Variants in MATN2 observed in about 807,000 individuals in gnomAD.
MATN2 encodes the protein matrilin 2, also known as matrilin-2.
MATN2 carries 69 observed loss-of-function variants against 103.2 expected under a neutral mutation model. That is an observed-to-expected ratio of 0.67 (90% confidence interval 0.55 to 0.82). The LOEUF (loss-of-function observed/expected upper bound fraction) is 0.82, where lower values mean the gene tolerates loss of function less well. Among genes scored for constraint, MATN2 ranks in the 40% least tolerant of loss-of-function variants. The pLI is 0.00. For missense variants in MATN2, 1,023 were observed against 1,211.5 expected (o/e 0.84, Z 2.31); for synonymous variants, 429 against 450.2 (o/e 0.95, Z 0.60).
intron 2 of MATN2, among the ~76,000 whole-genome samples, chr8:97,899,433 G>T (rs1256219462): frequency 6.6e-6 from 1 of 152,146 alleles, no homozygotes; most frequent in Non-Finnish European, 1.5e-5. Context: ...CAAAGTGGGT[G>T]GTTAAACAAC....
intron 4 of MATN2, among the ~76,000 whole-genome samples, chr8:97,958,179 T>C (rs1038734672): frequency 2.6e-5 from 4 of 152,228 alleles, no homozygotes; most frequent in African/African-American, 9.6e-5. Context: ...AAATTTGAAA[T>C]CAGACAATTA....
At chr8:97,890,508 C>T (rs1818592684) in intron 2 of MATN2, among the ~76,000 whole-genome samples, 1 of 149,262 alleles carries the variant, frequency 6.7e-6, no homozygotes, top group African/African-American at 2.5e-5. Flanking sequence ...AATCATGAAA[C>T]CAGAAAGCAA....
intron 2 of MATN2, among the ~76,000 whole-genome samples, chr8:97,918,521 T>A (rs1163268077): frequency 1.3e-5 from 2 of 152,236 alleles, no homozygotes; most frequent in African/African-American, 2.4e-5. Context: ...TTGGGCTTAC[T>A]GTCATCACGA....
At chr8:97,970,469 T>C (rs1481394745) in intron 5 of MATN2, among the ~76,000 whole-genome samples, 1 of 152,240 alleles carries the variant, frequency 6.6e-6, no homozygotes, top group Non-Finnish European at 1.5e-5. Context: ...CTTTCATAGC[T>C]ACTGCTATGA....
intron 1 of MATN2, among the ~76,000 whole-genome samples, chr8:97,886,920 G>C (rs896342816): frequency 3.3e-5 from 5 of 149,678 alleles, no homozygotes; most frequent in African/African-American, 1.2e-4. Context: ...TTTTTTTTGA[G>C]ATAGGGTCTC....
chr8:97,888,124 C>T lies in MATN2; in HGVS notation c.24C>T (p.Cys8=), dbSNP rs1156930231. The change falls in exon 2 of 19, where the codon TGC becomes TGT. Residue 8 remains cysteine (C), a synonymous_variant. Coordinates refer to ENST00000254898, the MANE Select transcript of MATN2 (RefSeq NM_002380.5). MEKMLAG[C]FLLILGQIVL... ...AAATGGAAAAGATGCTCGCAGGCTG[C>T]TTTCTGCTGATCCTCGGACAGATCG... 1 of 1,607,530 alleles carries T rather than the reference C, an allele frequency of 6.2e-7. No individual in the cohort carries two copies. The highest frequency in any genetic ancestry group is 1.3e-5 in the African/African-American group (1 of 74,512).
chr8:97,990,224 G>T, intron 6 of MATN2, among the ~76,000 whole-genome samples: 1 of 144,584 alleles, frequency 6.9e-6, no homozygotes, highest in Non-Finnish European at 1.5e-5. Context: ...CAATAAAAAT[G>T]GGAAAAATAT....
rs569076720 is a variant in MATN2 at position 97,927,326 on chromosome 8, A to ATT, written c.143-3615_143-3614dup. On this transcript the variant is annotated intron_variant, in intron 2 of 18. Coordinates refer to ENST00000254898, the MANE Select transcript of MATN2 (RefSeq NM_002380.5). ...ACCCAGCTAATTTTGTATTATTATTATTTTTTTTTTTTTAGTAGAGATGGG... is the reference window on the plus strand; with the variant it reads ...ACCCAGCTAATTTTGTATTATTATTATTTTTTTTTTTTTTTAGTAGAGATGGG... Among the ~76,000 whole-genome samples, 46 of 60,478 alleles carry ATT rather than the reference A, an allele frequency of 7.6e-4. No homozygotes were observed. The East Asian group carries it at 0.01, about 13-fold the overall frequency. 39.7% of individuals were successfully genotyped at this position (60,478 alleles called of 152,430 possible). A position where few individuals can be genotyped will look rare whatever the true frequency, so the allele number is the denominator to read the frequency against.
At position 97,875,475 on chromosome 8, in the gene MATN2, C is replaced by A. The variant is rs551710565; in HGVS notation, c.-27+6188C>A. The stretch of plus-strand genomic sequence containing the variant: ...AAGGTGCACAAATCATGAGGGAAAT[C>A]TCAATGGAGTTTTACAAGTGAGCAC... On this transcript the variant is annotated intron_variant, in intron 1 of 18. Coordinates refer to ENST00000254898, the MANE Select transcript of MATN2 (RefSeq NM_002380.5). Among the ~76,000 whole-genome samples, 102 of 152,190 alleles carry A rather than the reference C, an allele frequency of 6.7e-4. 1 individual carries two copies. The highest frequency in any genetic ancestry group is 2.5e-3 in the African/African-American group (102 of 41,532).
At chr8:98,031,949 C>A in intron 15 of MATN2, 1 of 214,196 alleles carries the variant, frequency 4.7e-6, no homozygotes, top group Non-Finnish European at 9.2e-6. Context: ...CAACTAAAAT[C>A]CCTCAACAAC....
At chr8:97,943,947 C>A (rs984938775) in intron 4 of MATN2, among the ~76,000 whole-genome samples, 5 of 152,230 alleles carry the variant, frequency 3.3e-5, no homozygotes, top group Non-Finnish European at 5.9e-5. Context: ...CCCCACACAG[C>A]AGAGTTTGCC....
Position 97,889,459 on chromosome 8 carries a change from C to CTATATATATATATATATATATATATA in MATN2, c.142+1222_142+1247dup, listed in dbSNP as rs56115197. Among the ~76,000 whole-genome samples, 356 of 123,220 alleles carry CTATATATATATATATATATATATATA rather than the reference C, an allele frequency of 2.9e-3. 4 individuals carry two copies. Among genetic ancestry groups the CTATATATATATATATATATATATATA allele is most frequent in the South Asian group, 8.4e-3 (27 of 3,224 alleles). The allele number at this position is 123,220 out of a possible 152,430, so 80.8% of individuals were successfully genotyped here. A position where few individuals can be genotyped will look rare whatever the true frequency, so the allele number is the denominator to read the frequency against. The stretch of plus-strand genomic sequence containing the variant: ...AACATCTCTCTCTCTCTCTCTCTGT[C>CTATATATATATATATATATATATATA]TATATATATATATATATATATATAT... On this transcript the variant is annotated intron_variant, in intron 2 of 18. Coordinates refer to ENST00000254898, the MANE Select transcript of MATN2 (RefSeq NM_002380.5).
rs1415015833 is a variant in MATN2, at chr8:98,018,065, T to C, written c.1768T>C (p.Cys590Arg). Reference sequence around the variant, plus strand: ...TGTGAACAGTGATGACTCATACACGTGCGAGTGCTTGGAGGGATTCCGGCT... The same window carrying C: ...TGTGAACAGTGATGACTCATACACGCGCGAGTGCTTGGAGGGATTCCGGCT... The part of the protein sequence containing the change: ...ICVNSDDSYT[C>R]ECLEGFRLAE... Residue 590 changes from cysteine (C) to arginine (R), a missense_variant, in exon 12 of 19, where the codon TGC (cysteine) becomes CGC (arginine). By Grantham distance (180) the Cys-to-Arg change is radical. Transcript: ENST00000254898. 6.2e-7 allele frequency: 1 copy of C among 1,613,974 alleles called. No homozygotes were observed. Among genetic ancestry groups the C allele is most frequent in the South Asian group, 1.1e-5 (1 of 91,086 alleles).
rs777589815 is a variant in MATN2, at chr8:98,033,676, T to C, written c.2815+17T>C. The stretch of plus-strand genomic sequence containing the variant: ...CACAGCGCTATATCCTTTTCTTGCA[T>C]TATGCTTCTGTATGGAATGCAAAGA... On this transcript the variant is annotated intron_variant, in intron 18 of 18. Coordinates refer to ENST00000254898, the MANE Select transcript of MATN2 (RefSeq NM_002380.5). 6.7e-7 allele frequency: 1 copy of C among 1,501,282 alleles called. No individual in the cohort carries two copies. The highest frequency in any genetic ancestry group is 9.2e-7 in the Non-Finnish European group (1 of 1,088,264). 93.0% of individuals were successfully genotyped at this position (1,501,282 alleles called of 1,614,324 possible). A position where few individuals can be genotyped will look rare whatever the true frequency, so the allele number is the denominator to read the frequency against.
At chr8:97,887,652 A>G (rs898599345) in intron 1 of MATN2, among the ~76,000 whole-genome samples, 2 of 152,238 alleles carry the variant, frequency 1.3e-5, no homozygotes, top group African/African-American at 4.8e-5. Flanking sequence ...TGTATAATTT[A>G]TATAAACTAA....
chr8:97,992,457 C>T (rs1812422410), intron 6 of MATN2, among the ~76,000 whole-genome samples: 1 of 151,956 alleles, frequency 6.6e-6, no homozygotes, highest in African/African-American at 2.4e-5. Context: ...CAAAATAATA[C>T]AATGTCTGGG....
At chr8:97,904,967 G>A (rs1160290372) in intron 2 of MATN2, among the ~76,000 whole-genome samples, 1 of 152,176 alleles carries the variant, frequency 6.6e-6, no homozygotes, top group Non-Finnish European at 1.5e-5. Flanking sequence ...CACCAGAGTA[G>A]TAGCAGTACT....
At chr8:97,960,423 T>C (rs1359653212) in intron 4 of MATN2, among the ~76,000 whole-genome samples, 3 of 152,238 alleles carry the variant, frequency 2.0e-5, no homozygotes, top group African/African-American at 7.2e-5. Flanking sequence ...GAGTCAGTGA[T>C]GGATGGAAGA....
chr8:97,947,469 A>G (rs1810791267), intron 4 of MATN2, among the ~76,000 whole-genome samples: 1 of 152,268 alleles, frequency 6.6e-6, no homozygotes, highest in South Asian at 2.1e-4. Context: ...GTATTTCTGT[A>G]CACTGGCAAC....
Sources: allele counts gnomAD v4.1 joint callset (sites outside exome capture counted in the v4.1 genomes callset), GRCh38; gene constraint gnomAD v4.1.1; transcripts MANE v1.5; gene names NCBI Gene and HGNC (gene_info 2026-07-23, HGNC 2026-07-21).